Variants in PTPN3 observed in about 807,000 individuals in gnomAD.
The protein encoded by PTPN3 is tyrosine-protein phosphatase non-receptor type 3.
In PTPN3, 96 loss-of-function variants were observed where a neutral mutation model predicts 132.7. The observed-to-expected ratio is 0.72, with a 90% CI of 0.61 to 0.86. The LOEUF is 0.86. Ranked by LOEUF, PTPN3 falls within the 40% of genes least tolerant of loss-of-function variation. The pLI is 0.00. For synonymous variants in PTPN3, 398 were observed against 429.0 expected, an observed-to-expected ratio of 0.93 and a Z score of 0.89; for missense variants, 1,125 against 1,159.6, an observed-to-expected ratio of 0.97 and a Z score of 0.43.
At chr9:109,447,874 G>A (rs1276526269) in intron 6 of PTPN3, among the ~76,000 whole-genome samples, 3 of 152,114 alleles carry the variant, frequency 2.0e-5, no homozygotes, top group Admixed American at 6.5e-5. Flanking sequence ...GCCCGCCTAC[G>A]TAGGACACGA....
intron 1 of PTPN3, among the ~76,000 whole-genome samples, chr9:109,478,134 G>A (rs1564477897): frequency 6.6e-6 from 1 of 152,224 alleles, no homozygotes; most frequent in Non-Finnish European, 1.5e-5. Context: ...CTGTGAAAAA[G>A]GGGGATCTGA....
At chr9:109,453,535 C>T (rs1845387074) in intron 5 of PTPN3, among the ~76,000 whole-genome samples, 3 of 152,174 alleles carry the variant, frequency 2.0e-5, no homozygotes, top group African/African-American at 7.2e-5. Flanking sequence ...CCTAGAAAAA[C>T]CCCAGTACCA....
intron 19 of PTPN3, among the ~76,000 whole-genome samples, chr9:109,397,122 G>C (rs1840671878): frequency 6.6e-6 from 1 of 152,224 alleles, no homozygotes; most frequent in Non-Finnish European, 1.5e-5. Context: ...TAAGGAGACA[G>C]CAAAGGCCAG....
intron 14 of PTPN3, chr9:109,417,532 G>GA: frequency 1.2e-6 from 1 of 804,546 alleles, no homozygotes; most frequent in Non-Finnish European, 1.5e-6. Context: ...TAACCAACAG[G>GA]TTTTTTTTTT....
At chr9:109,454,650 A>G in intron 4 of PTPN3, 76 bp from the exon 5 acceptor site, 1 of 1,150,628 alleles carries the variant, frequency 8.7e-7, no homozygotes, top group South Asian at 1.3e-5. Flanking sequence ...CTCTTCCATA[A>G]GTGATGCATT....
At chr9:109,433,433 A>G (rs1250680384) in intron 9 of PTPN3, among the ~76,000 whole-genome samples, 1 of 152,224 alleles carries the variant, frequency 6.6e-6, no homozygotes, top group African/African-American at 2.4e-5. Flanking sequence ...ATTCCACGGA[A>G]TCATTTACAT....
At chr9:109,455,551 G>C (rs1845517939) in intron 4 of PTPN3, among the ~76,000 whole-genome samples, 1 of 152,172 alleles carries the variant, frequency 6.6e-6, no homozygotes, top group Admixed American at 6.5e-5. Flanking sequence ...CCCTAACGGG[G>C]GTGTGCCCCT....
rs566106302 is a variant in PTPN3, at chr9:109,412,367, A to G, written c.1314-1952T>C. 6.7e-5 allele frequency among the ~76,000 whole-genome samples: 10 copies of G among 149,984 alleles called. No individual in the cohort carries two copies. The East Asian group carries it at 1.4e-3, about 21-fold the overall frequency. On this transcript the variant is annotated intron_variant, in intron 14 of 25. Transcript: ENST00000374541. ...GGACCACAGGCATTCGCCATGTCCA[A>G]CTAATTTTAATTTTTTTTTTTTTTT... is the stretch of plus-strand genomic sequence containing the variant.
rs377434799 is a variant in PTPN3, at chr9:109,426,947, C to A, written c.1001+3G>T. 2.5e-6 allele frequency: 4 copies of A among 1,607,724 alleles called. No individual in the cohort carries two copies. The highest frequency in any genetic ancestry group is 3.4e-6 in the Non-Finnish European group (4 of 1,174,476). Reference sequence around the variant, plus strand: ...GTGGACACAGTCTTTACAGCACACTCACTTTTTGGTGTTCCGAGAGCCCAT... The same window carrying A: ...GTGGACACAGTCTTTACAGCACACTAACTTTTTGGTGTTCCGAGAGCCCAT... On this transcript the variant is annotated splice_donor_region_variant and intron_variant, in intron 12 of 25. Transcript: ENST00000374541.
intron 7 of PTPN3, among the ~76,000 whole-genome samples, chr9:109,442,602 TA>T (rs1308524071): frequency 2.6e-5 from 4 of 152,342 alleles, no homozygotes; most frequent in African/African-American, 9.6e-5. Flanking sequence ...ATTTGCTTTT[TA>T]AATTTTACTC....
At chr9:109,524,369 A>AACTTCACCC in the PTPN3 span, among the ~76,000 whole-genome samples, 1 of 70,998 alleles carries the variant, frequency 1.4e-5, no homozygotes, top group African/African-American at 5.9e-5. Context: ...TGAAGGAGGT[A>AACTTCACCC]CTATTATTCC....
chr9:109,490,217 C>T (rs1014400758), intron 1 of PTPN3, among the ~76,000 whole-genome samples: 1 of 151,558 alleles, frequency 6.6e-6, no homozygotes, highest in Admixed American at 6.6e-5. Context: ...CAAAAAAAAC[C>T]CCACATCACT....
the PTPN3 span, among the ~76,000 whole-genome samples, chr9:109,518,051 C>A: frequency 5.9e-5 from 9 of 152,302 alleles, no homozygotes; most frequent in East Asian, 1.7e-3. Context: ...GGGGTGGTTA[C>A]GGCTTCCTGC....
the PTPN3 span, among the ~76,000 whole-genome samples, chr9:109,524,656 T>C: frequency 6.6e-6 from 1 of 152,250 alleles, no homozygotes; most frequent in South Asian, 2.1e-4. Flanking sequence ...GAATATTTGC[T>C]GTGCAAGACT....
At chr9:109,533,366 G>C in the PTPN3 span, 9 of 617,506 alleles carry the variant, frequency 1.5e-5, no homozygotes, top group Admixed American at 5.6e-5. Flanking sequence ...GGATGGTCTC[G>C]AATTCCTGAC....
chr9:109,471,866 G>C (rs1846400522), intron 1 of PTPN3, among the ~76,000 whole-genome samples: 1 of 152,266 alleles, frequency 6.6e-6, no homozygotes, highest in East Asian at 1.9e-4. Context: ...GCTGGTCTGA[G>C]AGCCACACGG....
intron 19 of PTPN3, among the ~76,000 whole-genome samples, chr9:109,393,201 A>G (rs1288946110): frequency 6.6e-6 from 1 of 152,008 alleles, no homozygotes; most frequent in East Asian, 1.9e-4. Context: ...TATAGTATCT[A>G]TTTCCCCATG....
intron 6 of PTPN3, among the ~76,000 whole-genome samples, chr9:109,448,102 G>A (rs1240948662): frequency 6.6e-6 from 1 of 152,096 alleles, no homozygotes; most frequent in African/African-American, 2.4e-5. Context: ...TGCCCATATT[G>A]GTTCTAATTG....
At chr9:109,462,705 C>A (rs73654246) in intron 2 of PTPN3, among the ~76,000 whole-genome samples, 6,169 of 151,986 alleles carry the variant, frequency 0.041, 393 homozygotes, top group African/African-American at 0.14. Flanking sequence ...CTGGCTCTGC[C>A]ACGGGCTTTA....
Sources: gnomAD v4.1 joint callset for allele counts (sites outside exome capture counted in the v4.1 genomes callset) on GRCh38, gnomAD v4.1.1 for gene constraint, MANE v1.5 for transcripts, NCBI Gene and HGNC (gene_info 2026-07-23, HGNC 2026-07-21) for gene names.